The following DIAPH2 variants were observed in gnomAD, a reference collection of about 807,000 sequenced individuals.
DIAPH2 encodes protein diaphanous homolog 2.
A neutral mutation model predicts 92.7 loss-of-function variants in DIAPH2; 35 were observed. That is an observed-to-expected ratio of 0.38 (90% CI 0.29 to 0.50). DIAPH2 has a LOEUF of 0.50. Ranked by LOEUF, DIAPH2 falls within the 20% of genes least tolerant of loss-of-function variation. The probability of loss-of-function intolerance (pLI) is 0.94; values close to 1 mark genes in which losing one functional copy is unlikely to be tolerated. For missense variants in DIAPH2, 701 were observed against 819.5 expected, an observed-to-expected ratio of 0.86 and a Z score of 1.77; for synonymous variants, 301 against 280.4, an observed-to-expected ratio of 1.07 and a Z score of -0.73.
intron 26 of DIAPH2, among the ~76,000 whole-genome samples, chrX:97,508,832 T>A (rs1024273836): frequency 9.0e-6 from 1 of 110,797 alleles, no homozygotes; most frequent in Non-Finnish European, 1.9e-5. Context: ...CTTCTTTTTC[T>A]ACAAAGCAGT....
At chrX:96,729,428 G>A (rs2064041284) in intron 1 of DIAPH2, among the ~76,000 whole-genome samples, 1 of 111,754 alleles carries the variant, frequency 8.9e-6, no homozygotes, top group South Asian at 3.8e-4. Flanking sequence ...GACCTAAGTG[G>A]CAGACATATT....
At chrX:96,752,330 A>G (rs1378559977) in intron 3 of DIAPH2, among the ~76,000 whole-genome samples, 1 of 112,251 alleles carries the variant, frequency 8.9e-6, no homozygotes, top group Admixed American at 9.5e-5. Context: ...ATTCTAAAGC[A>G]AGTTAATATA....
intron 17 of DIAPH2, among the ~76,000 whole-genome samples, chrX:97,045,183 G>A (rs916304420): frequency 8.9e-6 from 1 of 112,219 alleles, no homozygotes; most frequent in Non-Finnish European, 1.9e-5. Context: ...CAAAAAGGAA[G>A]CAAGAAAGAC....
chrX:96,756,428 A>G (rs1018095746), intron 3 of DIAPH2, among the ~76,000 whole-genome samples: 1 of 111,997 alleles, frequency 8.9e-6, no homozygotes, highest in African/African-American at 3.2e-5. Flanking sequence ...TGTGATTTCA[A>G]GATTCATCCA....
chrX:97,006,866 T>G (rs1056301658), intron 17 of DIAPH2, among the ~76,000 whole-genome samples: 11 of 111,419 alleles, frequency 9.9e-5, no homozygotes, highest in African/African-American at 3.3e-4. Flanking sequence ...TCTTCCTGTC[T>G]TCCTTTTAGA....
At chrX:96,964,216 T>C (rs1244710840) in intron 16 of DIAPH2, among the ~76,000 whole-genome samples, 3 of 111,493 alleles carry the variant, frequency 2.7e-5, no homozygotes, top group Non-Finnish European at 5.7e-5. Context: ...GGTTAAATCA[T>C]TTTTCAATCT....
chrX:97,427,134 C>T (rs1331752799), intron 25 of DIAPH2, among the ~76,000 whole-genome samples: 7 of 108,310 alleles, frequency 6.5e-5, no homozygotes, highest in African/African-American at 1.0e-4. Flanking sequence ...GCAGAGATTG[C>T]GCCACTGCAC....
At position 96,918,602 on chromosome X, in the gene DIAPH2, A is replaced by G. The variant is rs752389477; in HGVS notation, c.963A>G (p.Glu321=). 3 of 1,193,351 alleles carry G rather than the reference A, an allele frequency of 2.5e-6. No homozygotes were observed. Among genetic ancestry groups the G allele is most frequent in the Non-Finnish European group, 3.4e-6 (3 of 881,582 alleles). Residue 321 remains glutamate (E), a synonymous_variant, in exon 9 of 27, where the codon GAA becomes GAG. Coordinates refer to ENST00000324765, the MANE Select transcript of DIAPH2 (RefSeq NM_006729.5). Reference sequence around the variant, plus strand: ...TTGTGGAAGGTTTAGAAAATCAGGAAGCCTTGCAATTACAGGTGAGTTAGT... The same window carrying G: ...TTGTGGAAGGTTTAGAAAATCAGGAGGCCTTGCAATTACAGGTGAGTTAGT... ...SPIVEGLENQ[E]ALQLQVACMQ... is the part of the protein sequence containing the mutation.
intron 22 of DIAPH2, among the ~76,000 whole-genome samples, chrX:97,186,155 A>G (rs1328784629): frequency 1.8e-5 from 2 of 111,737 alleles, no homozygotes; most frequent in African/African-American, 6.5e-5. Flanking sequence ...ACTGCTACCC[A>G]TTACAAAATT....
chrX:96,703,564 A>G (rs2063867008), intron 1 of DIAPH2, among the ~76,000 whole-genome samples: 1 of 111,140 alleles, frequency 9.0e-6, no homozygotes, highest in African/African-American at 3.3e-5. Context: ...TCCTCCACAA[A>G]TAGATCCTAC....
chrX:97,526,173 C>G (rs1288515251), intron 26 of DIAPH2, among the ~76,000 whole-genome samples: 3 of 110,739 alleles, frequency 2.7e-5, no homozygotes, highest in African/African-American at 9.8e-5. Flanking sequence ...TGTTTCCTAA[C>G]AAAAATGACC....
chrX:97,408,562 A>G (rs1050269491), intron 25 of DIAPH2, among the ~76,000 whole-genome samples: 1 of 111,492 alleles, frequency 9.0e-6, no homozygotes, highest in East Asian at 2.8e-4. Context: ...AATTATTAGA[A>G]CAGAATATTA....
intron 24 of DIAPH2, among the ~76,000 whole-genome samples, chrX:97,383,515 CAT>C (rs2069570444): frequency 9.2e-6 from 1 of 108,648 alleles, no homozygotes; most frequent in African/African-American, 3.3e-5. Flanking sequence ...TATGTCTTCT[CAT>C]GTGTCAAACT....
chrX:97,602,586 A>G lies in DIAPH2; in HGVS notation c.*3269A>G. ...TTTCTGTTATATTTCAAGGCCTGGC[A>G]GTAATCCTCTTTCTCAGGGCTCCAC... On this transcript the variant is annotated 3_prime_UTR_variant, in exon 27 of 27. Transcript: ENST00000324765. 1 of 112,468 alleles carries G rather than the reference A, an allele frequency of 8.9e-6. No homozygotes were observed. The highest frequency in any genetic ancestry group is 9.4e-5 in the Admixed American group (1 of 10,671). 9.3% of individuals were successfully genotyped at this position (112,468 alleles called of 1,213,427 possible). A position where few individuals can be genotyped will look rare whatever the true frequency, so the allele number is the denominator to read the frequency against.
At chrX:96,964,994 A>G in intron 16 of DIAPH2, 99 bp from the exon 17 acceptor site, 3 of 895,649 alleles carry the variant, frequency 3.3e-6, no homozygotes, top group Non-Finnish European at 4.5e-6. Context: ...GGATAGAGGA[A>G]TAAAGGAACT....
rs1468527736 is a variant in DIAPH2 at position 96,836,814 on chromosome X, GCCT to G, written c.448-44762_448-44760del. Among the ~76,000 whole-genome samples, 3 of 83,794 alleles carry G rather than the reference GCCT, an allele frequency of 3.6e-5. No homozygotes were observed. In the East Asian group the frequency reaches 1.3e-3, roughly 36 times the overall value. The allele number at this position is 83,794 out of a possible 115,157, so 72.8% of individuals were successfully genotyped here. A position where few individuals can be genotyped will look rare whatever the true frequency, so the allele number is the denominator to read the frequency against. The stretch of plus-strand genomic sequence containing the variant: ...GCGATCTCGGCTCACTGCAAGCTCC[GCCT>G]CCCGGGTTCACGCCATTCTCCTGCC... On this transcript the variant is annotated intron_variant, in intron 4 of 26. Transcript: ENST00000324765.
At chrX:96,753,281 C>T (rs1031906913) in intron 3 of DIAPH2, among the ~76,000 whole-genome samples, 2 of 111,773 alleles carry the variant, frequency 1.8e-5, no homozygotes, top group Non-Finnish European at 3.8e-5. Flanking sequence ...GTGAGCAGAA[C>T]ATAGGGATTT....
chrX:97,336,370 C>T (rs1281217129), intron 23 of DIAPH2, among the ~76,000 whole-genome samples: 1 of 107,689 alleles, frequency 9.3e-6, no homozygotes, highest in Non-Finnish European at 1.9e-5. Context: ...CTCAGCCTCC[C>T]GAGTAGCTGG....
rs868372129 is a variant in DIAPH2 at position 96,945,554 on chromosome X, A to G, written c.1472A>G (p.Glu491Gly). ...TCTTGTGTGAACAAGGCGAAAGTTG[A>G]AGAAAGTGAACAAAAAGCTGCAGAG... Reference protein sequence around the residue: ...IDSCVNKAKVEESEQKAAEFS... With the variant: ...IDSCVNKAKVGESEQKAAEFS... Residue 491 changes from glutamate (E) to glycine (G), a missense_variant, in exon 14 of 27, where the codon GAA (glutamate) becomes GGA (glycine). Around this residue, in one of 3 missense-constraint regions of DIAPH2, gnomAD observed 536 missense variants for 599.3 expected, o/e 0.89. Coordinates refer to ENST00000324765, the MANE Select transcript of DIAPH2 (RefSeq NM_006729.5). 1 of 1,160,046 alleles carries G rather than the reference A, an allele frequency of 8.6e-7. No individual in the cohort carries two copies. Among genetic ancestry groups the G allele is most frequent in the African/African-American group, 1.9e-5 (1 of 54,044 alleles).
Sources: gnomAD v4.1 joint callset for allele counts (sites outside exome capture counted in the v4.1 genomes callset) on GRCh38, gnomAD v4.1.1 for gene constraint, gnomAD v4.1.1 regional missense constraint, MANE v1.5 for transcripts, NCBI Gene and HGNC (gene_info 2026-07-23, HGNC 2026-07-21) for gene names.